The following NNMT variants were observed in gnomAD, a reference collection of about 807,000 sequenced individuals.
NNMT encodes nicotinamide N-methyltransferase.
In NNMT, 10 loss-of-function variants were observed where a neutral mutation model predicts 11.7. The ratio of observed to expected loss-of-function variants is 0.85; its 90% CI spans 0.53 to 1.45. NNMT has a LOEUF of 1.45. Ranked by LOEUF, NNMT falls within the 40% of genes most tolerant of loss-of-function variation. The pLI, the probability that NNMT is intolerant of heterozygous loss-of-function variation, is 0.00. For missense variants in NNMT, 381 were observed against 319.4 expected, an observed-to-expected ratio of 1.19 and a Z score of -1.47; for synonymous variants, 143 against 133.8, an observed-to-expected ratio of 1.07 and a Z score of -0.48.
At chr11:114,287,492 A>G (rs1178523105) in intron 2 of NNMT, among the ~76,000 whole-genome samples, 1 of 152,084 alleles carries the variant, frequency 6.6e-6, no homozygotes, top group Non-Finnish European at 1.5e-5. Flanking sequence ...ATTTATTGAA[A>G]GGTCTATCTT....
intron 2 of NNMT, among the ~76,000 whole-genome samples, chr11:114,283,429 C>T (rs1171818121): frequency 1.3e-5 from 2 of 152,160 alleles, no homozygotes; most frequent in Non-Finnish European, 2.9e-5. Flanking sequence ...CAGCAGCACA[C>T]ATTTTACCAA....
chr11:114,274,375 A>G (rs1290357384), intron 2 of NNMT, among the ~76,000 whole-genome samples: 7 of 152,388 alleles, frequency 4.6e-5, no homozygotes, highest in Non-Finnish European at 1.5e-5. Context: ...CTAGGAGACC[A>G]TTGCCTCCAA....
At chr11:114,265,569 C>T (rs1394493280) in intron 2 of NNMT, among the ~76,000 whole-genome samples, 7 of 152,154 alleles carry the variant, frequency 4.6e-5, no homozygotes, top group Admixed American at 3.9e-4. Context: ...TCCCTGGCCA[C>T]GTTTGAAGTG....
intron 2 of NNMT, among the ~76,000 whole-genome samples, chr11:114,304,748 G>A (rs1481828512): frequency 6.6e-6 from 1 of 152,184 alleles, no homozygotes; most frequent in Non-Finnish European, 1.5e-5. Flanking sequence ...AGGCTGAGGA[G>A]AGAGGATCAC....
At chr11:114,297,771 G>A (rs1945396565) in intron 1 of NNMT, among the ~76,000 whole-genome samples, 180 bp from the exon 2 acceptor site, 1 of 152,174 alleles carries the variant, frequency 6.6e-6, no homozygotes, top group Non-Finnish European at 1.5e-5. Context: ...GTAGGCATGA[G>A]CCACTGTGCC....
chr11:114,258,179 G>A (rs959223249), intron 1 of NNMT, among the ~76,000 whole-genome samples: 2 of 152,186 alleles, frequency 1.3e-5, no homozygotes, highest in African/African-American at 4.8e-5. Context: ...CAGAAGAGGG[G>A]ACAGGCACCG....
intron 2 of NNMT, among the ~76,000 whole-genome samples, chr11:114,311,454 G>A (rs1945548468): frequency 6.6e-6 from 1 of 152,192 alleles, no homozygotes; most frequent in South Asian, 2.1e-4. Context: ...AATATTTGTT[G>A]GAATCTGAGA....
At chr11:114,283,823 A>C (rs965312640) in intron 2 of NNMT, among the ~76,000 whole-genome samples, 1 of 152,238 alleles carries the variant, frequency 6.6e-6, no homozygotes, top group Non-Finnish European at 1.5e-5. Flanking sequence ...AGAGAATTAC[A>C]AGATCCAATC....
chr11:114,264,829 A>T (rs923210544), intron 2 of NNMT, among the ~76,000 whole-genome samples: 1 of 152,224 alleles, frequency 6.6e-6, no homozygotes, highest in African/African-American at 2.4e-5. Flanking sequence ...ATTACAAAGG[A>T]TACAGTTGAA....
chr11:114,290,017 G>A (rs551971827), intron 2 of NNMT, among the ~76,000 whole-genome samples: 2 of 152,196 alleles, frequency 1.3e-5, no homozygotes, highest in African/African-American at 2.4e-5. Context: ...GAGCTCTCTC[G>A]GGCCTATTTC....
intron 1 of NNMT, among the ~76,000 whole-genome samples, chr11:114,258,364 T>C (rs1303697126): frequency 6.6e-6 from 1 of 152,164 alleles, no homozygotes. Context: ...CTGACCAAAG[T>C]GGAGAGCTGA....
intron 2 of NNMT, among the ~76,000 whole-genome samples, chr11:114,304,102 A>G (rs1036121940): frequency 1.9e-4 from 29 of 152,166 alleles, no homozygotes; most frequent in Admixed American, 8.5e-4. Flanking sequence ...AATTGCAGCT[A>G]TGACAATTTG....
chr11:114,281,200 G>A (rs1945260612), intron 2 of NNMT, among the ~76,000 whole-genome samples: 1 of 152,150 alleles, frequency 6.6e-6, no homozygotes, highest in Non-Finnish European at 1.5e-5. Context: ...AGCTGGGGCA[G>A]TAGGACCAAT....
intron 2 of NNMT, among the ~76,000 whole-genome samples, chr11:114,265,247 G>A (rs1945111099): frequency 6.6e-6 from 1 of 152,188 alleles, no homozygotes; most frequent in Admixed American, 6.5e-5. Flanking sequence ...CCAAGAGACA[G>A]GGACGAAGAC....
intron 2 of NNMT, among the ~76,000 whole-genome samples, chr11:114,289,616 GTTGT>G (rs1032183339): frequency 3.9e-5 from 6 of 151,996 alleles, no homozygotes; most frequent in African/African-American, 4.8e-5. Context: ...TGACCCATAG[GTTGT>G]TTGTTTCTTT....
chr11:114,268,903 C>T (rs534620582), intron 2 of NNMT, among the ~76,000 whole-genome samples: 46 of 151,900 alleles, frequency 3.0e-4, no homozygotes, highest in African/African-American at 5.8e-4. Flanking sequence ...TGTCCAGTTT[C>T]GTAGTTGTTT....
At chr11:114,307,966 A>G (rs1356723868) in intron 2 of NNMT, among the ~76,000 whole-genome samples, 1 of 151,710 alleles carries the variant, frequency 6.6e-6, no homozygotes, top group Non-Finnish European at 1.5e-5. Flanking sequence ...TTCCACTCCT[A>G]TGAGTGATCA....
intron 2 of NNMT, among the ~76,000 whole-genome samples, chr11:114,267,820 G>A (rs146919821): frequency 7.0e-4 from 106 of 152,206 alleles, no homozygotes; most frequent in African/African-American, 2.4e-3. Context: ...TTTAACCTCA[G>A]TGCCATTTAT....
At chr11:114,306,125 C>A (rs1410052630) in intron 2 of NNMT, among the ~76,000 whole-genome samples, 1 of 152,170 alleles carries the variant, frequency 6.6e-6, no homozygotes, top group East Asian at 1.9e-4. Flanking sequence ...TTTCATGTGT[C>A]TGTTGGCTGC....
Sources: allele counts gnomAD v4.1 joint callset (sites outside exome capture counted in the v4.1 genomes callset), GRCh38; gene constraint gnomAD v4.1.1; transcripts MANE v1.5; gene names NCBI Gene and HGNC (gene_info 2026-07-23, HGNC 2026-07-21).